The following CNTNAP3B variants were observed in gnomAD, a reference collection of about 807,000 sequenced individuals.
The protein encoded by CNTNAP3B is contactin-associated protein-like 3B.
In CNTNAP3B, 25 loss-of-function variants were observed where a neutral mutation model predicts 108.9. The observed-to-expected ratio is 0.23, with a 90% CI of 0.17 to 0.32. The LOEUF (loss-of-function observed/expected upper bound fraction) is 0.32, where lower values mean the gene tolerates loss of function less well. Among genes scored for constraint, CNTNAP3B ranks in the 10% least tolerant of loss-of-function variants. The pLI, the probability that CNTNAP3B is intolerant of heterozygous loss-of-function variation, is 1.00. For missense variants in CNTNAP3B, 252 were observed against 1,210.4 expected, an observed-to-expected ratio of 0.21 and a Z score of 11.75; for synonymous variants, 103 against 473.4, an observed-to-expected ratio of 0.22 and a Z score of 10.16.
intron 10 of CNTNAP3B, among the ~76,000 whole-genome samples, chr9:41,965,197 A>C (rs1825232854): frequency 6.6e-6 from 1 of 152,306 alleles, no homozygotes; most frequent in South Asian, 2.1e-4. Flanking sequence ...TATGACCCAA[A>C]GCAATCCACA....
At chr9:42,058,060 C>T (rs1226497072) in intron 3 of CNTNAP3B, among the ~76,000 whole-genome samples, 1 of 140,342 alleles carries the variant, frequency 7.1e-6, no homozygotes, top group Non-Finnish European at 1.5e-5. Context: ...TATTTTATGG[C>T]CAAATAGCAT....
chr9:41,939,810 T>C (rs1824279010), intron 13 of CNTNAP3B, among the ~76,000 whole-genome samples: 1 of 152,226 alleles, frequency 6.6e-6, no homozygotes, highest in Non-Finnish European at 1.5e-5. Context: ...TGTAAGTGGG[T>C]GAACTTCTAG....
intron 12 of CNTNAP3B, among the ~76,000 whole-genome samples, chr9:41,959,025 AC>A (rs1337423162): frequency 7.1e-6 from 1 of 141,212 alleles, no homozygotes; most frequent in Admixed American, 7.1e-5. Context: ...TCCTACCTTG[AC>A]AACGGTTTCC....
intron 3 of CNTNAP3B, among the ~76,000 whole-genome samples, chr9:42,054,805 TAC>T (rs570322332): frequency 4.2e-3 from 629 of 151,464 alleles, no homozygotes; most frequent in Non-Finnish European, 7.5e-3. Flanking sequence ...TAACTTGAGA[TAC>T]AGTTTTGTAG....
intron 4 of CNTNAP3B, among the ~76,000 whole-genome samples, chr9:41,999,533 A>C (rs1210759444): frequency 2.5e-5 from 3 of 118,284 alleles, no homozygotes; most frequent in African/African-American, 3.6e-5. Flanking sequence ...CTCTCTCTCT[A>C]CACACACACA....
intron 1 of CNTNAP3B, among the ~76,000 whole-genome samples, chr9:42,111,165 G>A (rs1166020101): frequency 1.4e-5 from 2 of 139,042 alleles, no homozygotes; most frequent in African/African-American, 2.9e-5. Context: ...GGATGGTCAG[G>A]AAGCCCACGC....
At chr9:41,918,962 A>G (rs1474063427) in intron 18 of CNTNAP3B, among the ~76,000 whole-genome samples, 1 of 151,698 alleles carries the variant, frequency 6.6e-6, no homozygotes, top group East Asian at 1.9e-4. Flanking sequence ...ATAGTGATTA[A>G]AGCCTGTTTT....
chr9:41,948,340 C>T (rs1824587310), intron 13 of CNTNAP3B, among the ~76,000 whole-genome samples: 1 of 152,172 alleles, frequency 6.6e-6, no homozygotes, highest in Middle Eastern at 3.2e-3. Context: ...GATCCATCTG[C>T]CTCAGCCTCC....
chr9:41,962,524 G>A (rs1587151995), intron 11 of CNTNAP3B, among the ~76,000 whole-genome samples: 1 of 145,800 alleles, frequency 6.9e-6, no homozygotes, highest in African/African-American at 2.6e-5. Flanking sequence ...CACAAGAATA[G>A]GCTTCTGCTT....
chr9:41,995,939 G>A (rs1311132386), intron 7 of CNTNAP3B, among the ~76,000 whole-genome samples: 1 of 144,960 alleles, frequency 6.9e-6, no homozygotes, highest in Non-Finnish European at 1.5e-5. Flanking sequence ...AGGAGGCTGA[G>A]GCAGGAGAAT....
At chr9:41,930,590 C>T (rs998081937) in intron 14 of CNTNAP3B, among the ~76,000 whole-genome samples, 2 of 152,126 alleles carry the variant, frequency 1.3e-5, no homozygotes, top group African/African-American at 4.8e-5. Context: ...CAGCGCTCAC[C>T]TTTTGTCGAA....
intron 10 of CNTNAP3B, among the ~76,000 whole-genome samples, chr9:41,967,918 C>T (rs543545173): frequency 6.6e-6 from 1 of 152,236 alleles, no homozygotes; most frequent in Non-Finnish European, 1.5e-5. Flanking sequence ...GTGGCTCACA[C>T]ATTCATGCTT....
chr9:42,121,030 G>T (rs1358564288), intron 1 of CNTNAP3B, among the ~76,000 whole-genome samples: 1 of 138,298 alleles, frequency 7.2e-6, no homozygotes, highest in Non-Finnish European at 1.5e-5. Flanking sequence ...TTTGTCTCTT[G>T]GCCTCTGCGA....
intron 3 of CNTNAP3B, among the ~76,000 whole-genome samples, chr9:42,030,802 A>AGAGATGTGTGC (rs1826506610): frequency 2.4e-5 from 2 of 85,090 alleles, no homozygotes; most frequent in African/African-American, 1.0e-4. Context: ...CGAGAGAGAG[A>AGAGATGTGTGC]GAGAGAGAGA....
intron 3 of CNTNAP3B, among the ~76,000 whole-genome samples, chr9:42,039,214 GA>G (rs1347479649): frequency 6.9e-6 from 1 of 145,664 alleles, no homozygotes; most frequent in Non-Finnish European, 1.5e-5. Context: ...AAAGCTAGCA[GA>G]AGGCAAGAAA....
intron 1 of CNTNAP3B, among the ~76,000 whole-genome samples, chr9:42,110,302 G>A (rs1828169595): frequency 7.3e-6 from 1 of 136,982 alleles, no homozygotes; most frequent in Non-Finnish European, 1.6e-5. Context: ...CCAGGCTGTG[G>A]CTCTCCCCAT....
At chr9:41,945,498 C>T (rs1587131784) in intron 13 of CNTNAP3B, among the ~76,000 whole-genome samples, 1 of 152,308 alleles carries the variant, frequency 6.6e-6, no homozygotes, top group African/African-American at 2.4e-5. Flanking sequence ...CCATCATTCT[C>T]AGCAAACTAT....
At chr9:42,115,603 G>T (rs982739798) in intron 1 of CNTNAP3B, among the ~76,000 whole-genome samples, 13 of 128,124 alleles carry the variant, frequency 1.0e-4, no homozygotes, top group Admixed American at 2.4e-4. Flanking sequence ...GGCAAACAGG[G>T]TCTGGACTGG....
intron 7 of CNTNAP3B, among the ~76,000 whole-genome samples, chr9:41,995,504 G>A (rs1336450148): frequency 7.4e-6 from 1 of 134,980 alleles, no homozygotes; most frequent in Non-Finnish European, 1.6e-5. Flanking sequence ...GGGAGGCCAA[G>A]GTGGGCAGAT....
Sources: gnomAD v4.1 joint callset for allele counts (sites outside exome capture counted in the v4.1 genomes callset) on GRCh38, gnomAD v4.1.1 for gene constraint, MANE v1.5 for transcripts, NCBI Gene and HGNC (gene_info 2026-07-23, HGNC 2026-07-21) for gene names.